Variants in C1orf105 observed in about 807,000 individuals in gnomAD.
C1orf105 encodes the protein chromosome 1 open reading frame 105.
A neutral mutation model predicts 20.8 loss-of-function variants in C1orf105; 17 were observed. The ratio of observed to expected loss-of-function variants is 0.82; its 90% CI spans 0.56 to 1.23. The LOEUF (loss-of-function observed/expected upper bound fraction) is 1.23. Among genes scored for constraint, C1orf105 ranks in the 50% most tolerant of loss-of-function variants. C1orf105 has a pLI of 0.00. For missense variants in C1orf105, 219 were observed against 213.5 expected, an observed-to-expected ratio of 1.03 and a Z score of -0.16; for synonymous variants, 72 against 72.1, an observed-to-expected ratio of 1.00 and a Z score of 0.01.
At chr1:172,465,598 C>A in intron 6 of C1orf105, 1 of 642,512 alleles carries the variant, frequency 1.6e-6, no homozygotes, top group Middle Eastern at 2.5e-4. Context: ...ATGTCATGTT[C>A]CTTCCCAGGA....
chr1:172,459,177 G>T (rs1649518788), intron 4 of C1orf105, among the ~76,000 whole-genome samples: 1 of 152,010 alleles, frequency 6.6e-6, no homozygotes, highest in Non-Finnish European at 1.5e-5. Flanking sequence ...AACAACAAAA[G>T]GATATAGATA....
intron 1 of C1orf105, among the ~76,000 whole-genome samples, chr1:172,426,824 G>GTCAATCA (rs2071735660): frequency 6.6e-6 from 1 of 152,018 alleles, no homozygotes; most frequent in Non-Finnish European, 1.5e-5. Context: ...AAATTGAATG[G>GTCAATCA]TCAATCATTG....
At chr1:172,467,985 C>T (rs1399562458) in intron 6 of C1orf105, among the ~76,000 whole-genome samples, 1 of 152,018 alleles carries the variant, frequency 6.6e-6, no homozygotes. Context: ...CTACTGTAGC[C>T]TTTTTATAAG....
chr1:172,422,731 A>G (rs2071621873), intron 1 of C1orf105, among the ~76,000 whole-genome samples: 1 of 149,406 alleles, frequency 6.7e-6, no homozygotes. Context: ...CTCTGGACCT[A>G]TTCTAGGCCA....
intron 1 of C1orf105, among the ~76,000 whole-genome samples, chr1:172,424,638 A>C (rs902381206): frequency 6.6e-6 from 1 of 152,062 alleles, no homozygotes; most frequent in Admixed American, 6.5e-5. Context: ...TGATCTGCCC[A>C]CCTCAGTCTC....
At chr1:172,430,569 G>A (rs1473494064) in intron 1 of C1orf105, among the ~76,000 whole-genome samples, 2 of 152,066 alleles carry the variant, frequency 1.3e-5, no homozygotes, top group African/African-American at 2.4e-5. Context: ...TTCTCGTGCA[G>A]CTGGGACCAC....
rs149668341 is a variant in C1orf105 at position 172,442,212 on chromosome 1, C to T, written c.22-2861C>T. On this transcript the variant is annotated intron_variant, in intron 1 of 6. Coordinates refer to ENST00000367727, the MANE Select transcript of C1orf105 (RefSeq NM_139240.4). ...TGCTGACAGACTCTGTAAGGGTCTT[C>T]AGCACTGGTGAAAACCCATAAGTGA... 21 of 1,614,036 alleles carry T rather than the reference C, an allele frequency of 1.3e-5. No homozygotes were observed. In the African/African-American group the frequency reaches 1.9e-4, roughly 14 times the overall value.
chr1:172,421,513 A>C (rs1558120166), intron 1 of C1orf105, among the ~76,000 whole-genome samples: 1 of 152,168 alleles, frequency 6.6e-6, no homozygotes, highest in Non-Finnish European at 1.5e-5. Flanking sequence ...AAAATATTGT[A>C]AGTCAAAAAT....
intron 3 of C1orf105, among the ~76,000 whole-genome samples, chr1:172,452,164 C>T (rs561735470): frequency 1.3e-5 from 2 of 152,090 alleles, no homozygotes; most frequent in Non-Finnish European, 2.9e-5. Flanking sequence ...AGCCACCATG[C>T]CTGGCCTTTA....
intron 4 of C1orf105, among the ~76,000 whole-genome samples, chr1:172,457,774 G>T (rs1175513067): frequency 6.6e-6 from 1 of 152,208 alleles, no homozygotes; most frequent in African/African-American, 2.4e-5. Context: ...AATGATAGAA[G>T]TGGAGCCACA....
chr1:172,462,114 A>T, intron 4 of C1orf105, 64 bp from the exon 5 acceptor site: 2 of 1,176,938 alleles, frequency 1.7e-6, no homozygotes, highest in Non-Finnish European at 2.5e-6. Flanking sequence ...CTAAAGTGGT[A>T]CATTATTTAT....
chr1:172,420,983 C>A, intron 1 of C1orf105, 77 bp downstream of exon 1: 1 of 1,347,798 alleles, frequency 7.4e-7, no homozygotes, highest in Non-Finnish European at 1.0e-6. Flanking sequence ...GCCTTGGAGG[C>A]CACATAAACA....
chr1:172,421,844 TGGAG>T (rs1204730502), intron 1 of C1orf105, among the ~76,000 whole-genome samples: 2 of 151,800 alleles, frequency 1.3e-5, no homozygotes, highest in Non-Finnish European at 2.9e-5. Flanking sequence ...TCTGTGCACT[TGGAG>T]GGAGGGCACA....
At chr1:172,453,001 TG>T in intron 3 of C1orf105, 1 of 1,549,806 alleles carries the variant, frequency 6.5e-7, no homozygotes, top group Non-Finnish European at 8.7e-7. Flanking sequence ...GTTTCAGGGC[TG>T]GGAAAGAAAG....
At chr1:172,463,525 C>T (rs1370445197) in intron 5 of C1orf105, among the ~76,000 whole-genome samples, 1 of 152,148 alleles carries the variant, frequency 6.6e-6, no homozygotes, top group African/African-American at 2.4e-5. Flanking sequence ...TCACTAATAA[C>T]ATTTACCTGT....
At chr1:172,465,649 G>A in intron 6 of C1orf105, 1 of 557,326 alleles carries the variant, frequency 1.8e-6, no homozygotes, top group Non-Finnish European at 3.4e-6. Context: ...CATGGAGATG[G>A]GGTACAAACA....
intron 1 of C1orf105, among the ~76,000 whole-genome samples, chr1:172,428,118 CTT>C (rs1194728011): frequency 6.6e-6 from 1 of 152,154 alleles, no homozygotes; most frequent in Non-Finnish European, 1.5e-5. Context: ...ATTTATAACT[CTT>C]CTCTTTCTTT....
At chr1:172,437,270 A>T (rs1363665819) in intron 1 of C1orf105, among the ~76,000 whole-genome samples, 1 of 152,178 alleles carries the variant, frequency 6.6e-6, no homozygotes, top group Non-Finnish European at 1.5e-5. Context: ...ATGCTACTAT[A>T]AAGACACATG....
At chr1:172,466,686 C>A (rs1650087735) in intron 6 of C1orf105, among the ~76,000 whole-genome samples, 1 of 151,978 alleles carries the variant, frequency 6.6e-6, no homozygotes, top group Non-Finnish European at 1.5e-5. Context: ...AACAATGTAA[C>A]AAGATGCCTT....
Sources: gnomAD v4.1 joint callset for allele counts (sites outside exome capture counted in the v4.1 genomes callset) on GRCh38, gnomAD v4.1.1 for gene constraint, MANE v1.5 for transcripts, NCBI Gene and HGNC (gene_info 2026-07-23, HGNC 2026-07-21) for gene names.